The following TNKS2 variants were observed in gnomAD, a reference collection of about 807,000 sequenced individuals.
TNKS2 encodes the protein tankyrase 2.
TNKS2 carries 72 observed loss-of-function variants against 137.6 expected under a neutral mutation model. The ratio of observed to expected loss-of-function variants is 0.52; its 90% confidence interval spans 0.43 to 0.64. The LOEUF (loss-of-function observed/expected upper bound fraction) is 0.64, where lower values mean the gene tolerates loss of function less well. TNKS2 is among the 30% of genes least tolerant of loss of function. The pLI is 0.00. For synonymous variants in TNKS2, 516 were observed against 512.1 expected, an observed-to-expected ratio of 1.01 and a Z score of -0.10; for missense variants, 1,049 against 1,410.2, an observed-to-expected ratio of 0.74 and a Z score of 4.10.
At chr10:91,837,358 T>C (rs1437560437) in intron 13 of TNKS2, among the ~76,000 whole-genome samples, 6 of 152,184 alleles carry the variant, frequency 3.9e-5, no homozygotes, top group Non-Finnish European at 7.4e-5. Context: ...GGAAAAACAG[T>C]GTATCACTTC....
At chr10:91,822,733 GT>G (rs1164344228) in intron 7 of TNKS2, among the ~76,000 whole-genome samples, 1 of 151,696 alleles carries the variant, frequency 6.6e-6, no homozygotes, top group Non-Finnish European at 1.5e-5. Flanking sequence ...GCCCAGCTAA[GT>G]TTTGTTAGAG....
chr10:91,810,154 T>C (rs890642486), intron 1 of TNKS2, among the ~76,000 whole-genome samples: 3 of 151,920 alleles, frequency 2.0e-5, no homozygotes, highest in African/African-American at 7.3e-5. Context: ...AGGCTGAGGA[T>C]TACTTGAGGT....
At chr10:91,841,251 T>G in intron 14 of TNKS2, 32 bp from the exon 15 acceptor site, 1 of 1,478,042 alleles carries the variant, frequency 6.8e-7, no homozygotes, top group South Asian at 1.4e-5. Flanking sequence ...CATGTTCTTC[T>G]GTGGCATTAT....
chr10:91,834,753 T>G (rs1184046052), intron 12 of TNKS2, among the ~76,000 whole-genome samples: 1 of 152,236 alleles, frequency 6.6e-6, no homozygotes, highest in Admixed American at 6.5e-5. Context: ...CTTACAAGAC[T>G]GTTTTGAAGA....
At chr10:91,848,925 C>G (rs1009208579) in intron 19 of TNKS2, among the ~76,000 whole-genome samples, 3 of 152,160 alleles carry the variant, frequency 2.0e-5, no homozygotes, top group African/African-American at 7.2e-5. Context: ...CAACCTCTGC[C>G]TCAAGGGTTT....
intron 7 of TNKS2, among the ~76,000 whole-genome samples, chr10:91,824,683 T>C (rs1233974247): frequency 6.6e-6 from 1 of 152,128 alleles, no homozygotes; most frequent in African/African-American, 2.4e-5. Flanking sequence ...GCTTATCCAG[T>C]TTGCAGATTA....
rs745375009 is a variant in TNKS2, at chr10:91,844,963, G to A, written c.2104G>A (p.Gly702Arg). ...LEVAEYLLQHGADVNAQDKGG... is the reference protein window; with the variant it reads ...LEVAEYLLQHRADVNAQDKGG... Reference sequence around the variant, plus strand: ...AGTTGCAGAGTATTTGTTACAACACGGAGCTGATGTGAATGCCCAAGACAA... The same window carrying A: ...AGTTGCAGAGTATTTGTTACAACACAGAGCTGATGTGAATGCCCAAGACAA... The change falls in exon 17 of 27, where the codon GGA (glycine) becomes AGA (arginine). Residue 702 changes from glycine to arginine, a missense_variant. Transcript: ENST00000371627. 6.2e-6 allele frequency: 10 copies of A among 1,613,422 alleles called. No individual in the cohort carries two copies. The East Asian group carries it at 8.9e-5, about 14-fold the overall frequency.
chr10:91,802,778 T>G (rs1844210826), intron 1 of TNKS2, among the ~76,000 whole-genome samples: 1 of 152,248 alleles, frequency 6.6e-6, no homozygotes, highest in Non-Finnish European at 1.5e-5. Flanking sequence ...CCAACACTCT[T>G]CACCTAGAAC....
Position 91,848,378 on chromosome 10 carries a change from C to T in TNKS2, c.2359-5C>T, listed in dbSNP as rs112723848. 1.2e-6 allele frequency: 2 copies of T among 1,613,560 alleles called. No homozygotes were observed. Among genetic ancestry groups the T allele is most frequent in the Non-Finnish European group, 1.7e-6 (2 of 1,179,694 alleles). On this transcript the variant is annotated splice_region_variant and splice_polypyrimidine_tract_variant and intron_variant, in intron 18 of 26. Coordinates refer to ENST00000371627, the MANE Select transcript of TNKS2 (RefSeq NM_025235.4). ...GGCAGATGTTGTCTCTGACACGTAC[C>T]CTAGGCGGATGATGTCAGCGCTCTT...
At chr10:91,831,643 A>G (rs955398620) in intron 11 of TNKS2, among the ~76,000 whole-genome samples, 2 of 152,226 alleles carry the variant, frequency 1.3e-5, no homozygotes, top group Non-Finnish European at 2.9e-5. Flanking sequence ...CTAAAAACAT[A>G]ATAGCTCCCC....
intron 25 of TNKS2, among the ~76,000 whole-genome samples, chr10:91,860,052 T>C (rs981420035): frequency 2.0e-5 from 3 of 152,188 alleles, no homozygotes; most frequent in African/African-American, 7.2e-5. Flanking sequence ...GAGCCTCTCT[T>C]CCACTGTGAT....
intron 18 of TNKS2, 36 bp from the exon 19 acceptor site, chr10:91,848,347 G>C: frequency 1.3e-6 from 2 of 1,591,484 alleles, no homozygotes; most frequent in Non-Finnish European, 1.7e-6. Context: ...TTTAAAACTT[G>C]CTTATGGCAG....
chr10:91,813,357 T>G lies in TNKS2; in HGVS notation c.424+150T>G, dbSNP rs1035125324. 9.1e-6 allele frequency: 7 copies of G among 768,134 alleles called. No individual in the cohort carries two copies. In the Admixed American group the frequency reaches 2.0e-4, roughly 22 times the overall value. 47.6% of individuals were successfully genotyped at this position (768,134 alleles called of 1,614,324 possible). ...TTTAATCTAACTACTATTTACTGAG[T>G]GTCTTTTTGTGTGTAGTACTGAGCC... On this transcript the variant is annotated intron_variant, in intron 2 of 26. Transcript: ENST00000371627.
rs1241795023 is a variant in TNKS2 at position 91,828,638 on chromosome 10, A to G, written c.1104+232A>G. ...TCCTCAGAAAAAAAAAATTATTCAT[A>G]TTCTGACATGTATTATATGTAATGC... On this transcript the variant is annotated intron_variant, in intron 9 of 26. Coordinates refer to ENST00000371627, the MANE Select transcript of TNKS2 (RefSeq NM_025235.4). 2.0e-5 allele frequency among the ~76,000 whole-genome samples: 3 copies of G among 152,238 alleles called. No individual in the cohort carries two copies. The East Asian group carries it at 5.8e-4, about 29-fold the overall frequency.
chr10:91,850,175 G>A (rs1331435654), intron 20 of TNKS2, among the ~76,000 whole-genome samples: 1 of 151,624 alleles, frequency 6.6e-6, no homozygotes, highest in Non-Finnish European at 1.5e-5. Context: ...AGACCAGCCT[G>A]GCCAAGATGG....
chr10:91,858,691 A>AG (rs1379951090), intron 24 of TNKS2, among the ~76,000 whole-genome samples: 1 of 152,210 alleles, frequency 6.6e-6, no homozygotes, highest in Non-Finnish European at 1.5e-5. Flanking sequence ...ATAGAAGAGA[A>AG]GAGGTATAAG....
At position 91,831,093 on chromosome 10, in the gene TNKS2, T is replaced by C. The variant is rs774848612; in HGVS notation, c.1197-10T>C. 5.0e-6 allele frequency: 8 copies of C among 1,613,796 alleles called. No homozygotes were observed. The South Asian group carries it at 8.8e-5, about 18-fold the overall frequency. On this transcript the variant is annotated splice_polypyrimidine_tract_variant and intron_variant, in intron 10 of 26. Transcript: ENST00000371627. The stretch of plus-strand genomic sequence containing the variant: ...TATATTCACTGTCTGGCTGATTTTT[T>C]CTCTCTAAGATTCTTGACTCCTCTG...
At chr10:91,839,413 A>C (rs1350571104) in intron 13 of TNKS2, among the ~76,000 whole-genome samples, 1 of 151,228 alleles carries the variant, frequency 6.6e-6, no homozygotes, top group African/African-American at 2.4e-5. Context: ...CACGATCTCA[A>C]CTCACTGCAA....
intron 9 of TNKS2, among the ~76,000 whole-genome samples, chr10:91,828,860 C>T (rs764444437): frequency 1.6e-4 from 25 of 152,088 alleles, no homozygotes; most frequent in Non-Finnish European, 3.2e-4. Context: ...TTAGAGGTTA[C>T]TTCCCTGATA....
Sources: gnomAD v4.1 joint callset for allele counts (sites outside exome capture counted in the v4.1 genomes callset) on GRCh38, gnomAD v4.1.1 for gene constraint, MANE v1.5 for transcripts, NCBI Gene and HGNC (gene_info 2026-07-23, HGNC 2026-07-21) for gene names.